PCDH15: variants seen among roughly 807,000 people sequenced by gnomAD.
The protein encoded by PCDH15 is protocadherin-15.
A neutral mutation model predicts 178.5 loss-of-function variants in PCDH15; 129 were observed. That is an observed-to-expected ratio of 0.72 (90% confidence interval 0.63 to 0.84). The LOEUF (loss-of-function observed/expected upper bound fraction) is 0.84. Ranked by LOEUF, PCDH15 falls within the 40% of genes least tolerant of loss-of-function variation. The pLI is 0.00. For synonymous variants in PCDH15, 800 were observed against 732.0 expected (o/e 1.09, Z -1.50); for missense variants, 2,230 against 2,099.9 (o/e 1.06, Z -1.21).
chr10:53,917,891 T>C (rs1274208221), intron 25 of PCDH15, among the ~76,000 whole-genome samples: 1 of 151,950 alleles, frequency 6.6e-6, no homozygotes, highest in Non-Finnish European at 1.5e-5. Flanking sequence ...ATCTAGATAT[T>C]GAAAAGTGTG....
chr10:54,096,017 C>A (rs2094692763), intron 15 of PCDH15, among the ~76,000 whole-genome samples: 1 of 152,052 alleles, frequency 6.6e-6, no homozygotes, highest in African/African-American at 2.4e-5. Context: ...CTCATTTAAT[C>A]CTCAAAACAA....
At chr10:54,581,665 C>T (rs1450854653) in intron 2 of PCDH15, among the ~76,000 whole-genome samples, 1 of 152,028 alleles carries the variant, frequency 6.6e-6, no homozygotes, top group Non-Finnish European at 1.5e-5. Flanking sequence ...TATTATCCGA[C>T]TTCAGCTATA....
At chr10:54,696,409 T>TA (rs1378301704) in intron 1 of PCDH15, among the ~76,000 whole-genome samples, 3 of 152,134 alleles carry the variant, frequency 2.0e-5, no homozygotes, top group African/African-American at 7.2e-5. Context: ...TTTCTTGAGA[T>TA]AAAATCTATT....
intron 2 of PCDH15, among the ~76,000 whole-genome samples, chr10:55,329,017 G>GT (rs1844122260): frequency 6.8e-6 from 1 of 147,546 alleles, no homozygotes; most frequent in African/African-American, 2.5e-5. Flanking sequence ...GTGTGTGTGT[G>GT]TGTGTGTGTT....
At chr10:54,848,382 C>CAAA (rs34830502) in intron 3 of PCDH15, among the ~76,000 whole-genome samples, 272 of 85,146 alleles carry the variant, frequency 3.2e-3, no homozygotes, top group African/African-American at 0.012. Context: ...AACTCCATCT[C>CAAA]AAAAAAAAAA....
At chr10:53,994,785 C>T (rs990577449) in intron 21 of PCDH15, 2 of 151,870 alleles carry the variant, frequency 1.3e-5, no homozygotes, top group African/African-American at 4.8e-5. Context: ...TTGTCCAAAT[C>T]GAAGCTGAAA....
chr10:54,891,801 A>T (rs986633270), intron 3 of PCDH15, among the ~76,000 whole-genome samples: 3 of 152,150 alleles, frequency 2.0e-5, no homozygotes, highest in Admixed American at 1.3e-4. Context: ...GTTTTGAAGA[A>T]GGCTGTAGAA....
At chr10:55,327,896 G>T (rs925208631) in intron 2 of PCDH15, among the ~76,000 whole-genome samples, 1 of 151,894 alleles carries the variant, frequency 6.6e-6, no homozygotes, top group Non-Finnish European at 1.5e-5. Flanking sequence ...ATCACCCAAA[G>T]ACTTCATTCA....
chr10:55,502,454 C>T (rs990014949), intron 2 of PCDH15, among the ~76,000 whole-genome samples: 17 of 151,670 alleles, frequency 1.1e-4, no homozygotes, highest in Non-Finnish European at 2.4e-4. Context: ...CATGATCACA[C>T]GCATATCTCC....
In PCDH15 at chr10:54,212,459, G is replaced by A. The variant is rs535491223; in HGVS notation, c.1098+1477C>T. Among the ~76,000 whole-genome samples the A allele has an allele frequency of 1.2e-4, 19 of 152,066 alleles. No homozygotes were observed. In the East Asian group the frequency reaches 2.9e-3, roughly 23 times the overall value. On this transcript the variant is annotated intron_variant, in intron 10 of 37. Coordinates refer to ENST00000644397, the MANE Select transcript of PCDH15 (RefSeq NM_001384140.1). Reference sequence around the variant, plus strand: ...TAGCCTGTGCATTATGTCTCCAAGCGTTTACTTCTGTGCCTCCTTATGTTC... The same window carrying A: ...TAGCCTGTGCATTATGTCTCCAAGCATTTACTTCTGTGCCTCCTTATGTTC...
chr10:53,972,098 C>T (rs1210058237), intron 21 of PCDH15, among the ~76,000 whole-genome samples: 1 of 152,036 alleles, frequency 6.6e-6, no homozygotes, highest in Non-Finnish European at 1.5e-5. Context: ...AGATATAGGC[C>T]AATGGAACAG....
intron 2 of PCDH15, among the ~76,000 whole-genome samples, chr10:55,108,687 C>T (rs1187988486): frequency 6.6e-6 from 1 of 151,234 alleles, no homozygotes; most frequent in Non-Finnish European, 1.5e-5. Context: ...TAAAGCATTC[C>T]TAATTGGCTA....
intron 1 of PCDH15, among the ~76,000 whole-genome samples, chr10:54,682,781 G>A (rs747515718): frequency 3.3e-5 from 5 of 152,174 alleles, no homozygotes; most frequent in Admixed American, 6.5e-5. Flanking sequence ...TAACTGAGTC[G>A]TAAATTCCAA....
chr10:54,942,379 A>T (rs1838085187), intron 2 of PCDH15, among the ~76,000 whole-genome samples: 1 of 152,068 alleles, frequency 6.6e-6, no homozygotes, highest in Non-Finnish European at 1.5e-5. Flanking sequence ...CCTTTGGAAA[A>T]TATCCAGAGA....
intron 1 of PCDH15, among the ~76,000 whole-genome samples, chr10:54,796,257 TC>T (rs1951966793): frequency 4.5e-5 from 5 of 110,572 alleles, no homozygotes; most frequent in Non-Finnish European, 7.4e-5. Context: ...TATCTATCTA[TC>T]TATCTATCTA....
chr10:54,074,705 T>G (rs528502865), intron 17 of PCDH15, among the ~76,000 whole-genome samples: 1 of 152,312 alleles, frequency 6.6e-6, no homozygotes, highest in Non-Finnish European at 1.5e-5. Context: ...TTTTTTGATA[T>G]ATAAATGAAA....
intron 1 of PCDH15, among the ~76,000 whole-genome samples, chr10:54,744,907 T>C (rs1945263728): frequency 6.6e-6 from 1 of 152,106 alleles, no homozygotes; most frequent in Non-Finnish European, 1.5e-5. Flanking sequence ...AGCAAAAACA[T>C]TTTATCTTTG....
chr10:54,372,411 G>A (rs1947812799), intron 4 of PCDH15, among the ~76,000 whole-genome samples: 1 of 151,886 alleles, frequency 6.6e-6, no homozygotes, highest in Non-Finnish European at 1.5e-5. Flanking sequence ...GCAACTGTTA[G>A]TGGCATGGCT....
At chr10:53,900,194 C>G (rs2082236479) in intron 26 of PCDH15, among the ~76,000 whole-genome samples, 1 of 147,836 alleles carries the variant, frequency 6.8e-6, no homozygotes, top group South Asian at 2.2e-4. Flanking sequence ...CATTCTTTCT[C>G]TCTCTCTCTA....
Sources: allele counts gnomAD v4.1 joint callset (sites outside exome capture counted in the v4.1 genomes callset), GRCh38; gene constraint gnomAD v4.1.1; transcripts MANE v1.5; gene names NCBI Gene and HGNC (gene_info 2026-07-23, HGNC 2026-07-21).